The following EMG1 variants were observed in gnomAD, a reference collection of about 807,000 sequenced individuals.
EMG1 encodes the protein EMG1 N1-specific pseudouridine methyltransferase, also known as ribosomal RNA small subunit methyltransferase NEP1.
In EMG1, 24 loss-of-function variants were observed where a neutral mutation model predicts 26.9. That is an observed-to-expected ratio of 0.89 (90% CI 0.65 to 1.26). The LOEUF (loss-of-function observed/expected upper bound fraction) is 1.26, where lower values mean the gene tolerates loss of function less well. Among genes scored for constraint, EMG1 ranks in the 50% most tolerant of loss-of-function variants. EMG1 has a pLI of 0.00. For missense variants in EMG1, 299 were observed against 307.6 expected (o/e 0.97, Z 0.21); for synonymous variants, 140 against 112.6 (o/e 1.24, Z -1.54).
chr12:6,982,157 T>G (rs1181013553), downstream of EMG1, among the ~76,000 whole-genome samples: 2 of 152,178 alleles, frequency 1.3e-5, no homozygotes, highest in Non-Finnish European at 2.9e-5. Context: ...ACCCGGCTAA[T>G]TTTTAATTTT....
At chr12:6,986,142 AAGTAT>A (rs1197792515) in intron 6 of EMG1, among the ~76,000 whole-genome samples, 9 of 151,786 alleles carry the variant, frequency 5.9e-5, no homozygotes, top group Admixed American at 2.6e-4. Flanking sequence ...AGCTTCATGC[AAGTAT>A]AGTTGACCCT....
At chr12:6,972,393 A>T (rs1169727230) in intron 1 of EMG1, among the ~76,000 whole-genome samples, 9 of 152,140 alleles carry the variant, frequency 5.9e-5, no homozygotes, top group African/African-American at 1.9e-4. Context: ...CAATTTCAAA[A>T]TCTACATCCC....
Position 6,978,496 on chromosome 12 carries a change from G to A in EMG1, c.*2687G>A. 6.2e-7 allele frequency: 1 copy of A among 1,613,068 alleles called. No individual in the cohort carries two copies. Among genetic ancestry groups the A allele is most frequent in the Non-Finnish European group, 8.5e-7 (1 of 1,179,206 alleles). On this transcript the variant is annotated 3_prime_UTR_variant, in exon 6 of 6. Transcript: ENST00000599672. The stretch of plus-strand genomic sequence containing the variant: ...CATTGAAGCCCAGGCCCGTCAAAAT[G>A]CATACTCCTTCCTGAGAGGGAATAG...
chr12:6,977,660 G>C lies in EMG1; in HGVS notation c.*1851G>C, dbSNP rs1555153482. On this transcript the variant is annotated 3_prime_UTR_variant, in exon 6 of 6. Coordinates refer to ENST00000599672, the MANE Select transcript of EMG1 (RefSeq NM_006331.8). The surrounding 1 kb of genome is among the most constrained non-coding windows in gnomAD (Gnocchi z 4.5). The stretch of plus-strand genomic sequence containing the variant: ...AAGCAGACCAGGTATCCTGAGTGCA[G>C]GCCGTGCCAGAGGGCCAGGAATAGC... 6.2e-7 allele frequency: 1 copy of C among 1,614,244 alleles called. No homozygotes were observed. Among genetic ancestry groups the C allele is most frequent in the Non-Finnish European group, 8.5e-7 (1 of 1,180,040 alleles).
rs1946535811 is a variant in EMG1, at chr12:6,987,073, A to T, written c.*155-709A>T. ...GGTGGCAGTGAGCTGAGATCACGCC[A>T]TTGCACTCCAGCTTGGGCAACGAGC... On this transcript the variant is annotated intron_variant and NMD_transcript_variant, in intron 6 of 7. Coordinates refer to the EMG1 transcript ENST00000261406. The surrounding 1 kb of genome is among the most constrained non-coding windows in gnomAD (Gnocchi z 4.1). Among the ~76,000 whole-genome samples the T allele has an allele frequency of 6.6e-6, 1 of 151,904 alleles. No individual in the cohort carries two copies. Among genetic ancestry groups the T allele is most frequent in the Non-Finnish European group, 1.5e-5 (1 of 68,010 alleles).
At chr12:6,996,221 T>C (rs782669640) in intron 7 of EMG1, among the ~76,000 whole-genome samples, 30 of 152,360 alleles carry the variant, frequency 2.0e-4, no homozygotes, top group African/African-American at 7.0e-4. Context: ...CTTGGTGCCT[T>C]CACATGGTAA....
chr12:6,980,814 A>G (rs1591546542), downstream of EMG1: 6 of 459,062 alleles, frequency 1.3e-5, no homozygotes, highest in East Asian at 1.7e-4. Context: ...TAGTGTTAGA[A>G]TGGATAACTG....
chr12:6,974,014 G>A (rs980482087), intron 1 of EMG1, among the ~76,000 whole-genome samples: 1 of 152,226 alleles, frequency 6.6e-6, no homozygotes, highest in African/African-American at 2.4e-5. Context: ...TGTCTCATTG[G>A]CCTTGCCTAA....
In EMG1 at chr12:6,979,820, C is replaced by T; in HGVS notation, c.*4011C>T. The T allele has an allele frequency of 1.8e-6, 1 of 542,370 alleles. No individual in the cohort carries two copies. The allele number at this position is 542,370 out of a possible 1,614,324, so 33.6% of individuals were successfully genotyped here. Reference sequence around the variant, plus strand: ...AAAGTCAGGGCAGCAGACAGTGGACCAGTCTTGTGTTTACCCCTCAGGGAT... The same window carrying T: ...AAAGTCAGGGCAGCAGACAGTGGACTAGTCTTGTGTTTACCCCTCAGGGAT... On this transcript the variant is annotated 3_prime_UTR_variant, in exon 6 of 6. Transcript: ENST00000599672.
At chr12:6,988,839 CTTG>C (rs1179500050), downstream of EMG1, among the ~76,000 whole-genome samples, 59 of 152,242 alleles carry the variant, frequency 3.9e-4, no homozygotes, top group African/African-American at 1.2e-3. Context: ...TTTGTAAGAA[CTTG>C]TTGGCCGGGC....
chr12:6,991,437 T>C (rs944174438), downstream of EMG1, among the ~76,000 whole-genome samples: 4 of 152,214 alleles, frequency 2.6e-5, no homozygotes, highest in Admixed American at 2.6e-4. Context: ...AAATACTGGT[T>C]CCCTGTTGTT....
chr12:6,979,560 G>A lies in EMG1; in HGVS notation c.*3751G>A, dbSNP rs782772367. On this transcript the variant is annotated 3_prime_UTR_variant, in exon 6 of 6. Coordinates refer to ENST00000599672, the MANE Select transcript of EMG1 (RefSeq NM_006331.8). ...AGGTAGAAAAGGCCCAGACTCAGGC[G>A]CTTGAGAGCAGGAATGATGCTGGAA... 4.3e-6 allele frequency: 7 copies of A among 1,613,526 alleles called. No individual in the cohort carries two copies. The highest frequency in any genetic ancestry group is 1.3e-5 in the African/African-American group (1 of 74,890).
downstream of EMG1, chr12:6,983,101 A>G: frequency 2.0e-6 from 1 of 509,026 alleles, no homozygotes; most frequent in Non-Finnish European, 3.6e-6. Context: ...TTGTTACTGT[A>G]TTTTTGAATG....
chr12:6,972,421 TG>T (rs1946343666), intron 1 of EMG1, among the ~76,000 whole-genome samples: 1 of 152,238 alleles, frequency 6.6e-6, no homozygotes, highest in African/African-American at 2.4e-5. Flanking sequence ...GCAGACTTTT[TG>T]GAGCCATATA....
downstream of EMG1, chr12:6,983,481 G>A (rs1371957415): frequency 9.9e-6 from 16 of 1,613,304 alleles, no homozygotes; most frequent in African/African-American, 1.3e-5. Context: ...GGAAGAGGTG[G>A]ATGAGGTAGG....
rs782534449 is a variant in EMG1, at chr12:6,978,129, C to T, written c.*2320C>T. The stretch of plus-strand genomic sequence containing the variant: ...AGCTGGAGTAACACCCAGGTCTTAA[C>T]GCACTTTTATATCTTGCCTTTTTTT... On this transcript the variant is annotated 3_prime_UTR_variant, in exon 6 of 6. Transcript: ENST00000599672. 94 of 604,986 alleles carry T rather than the reference C, an allele frequency of 1.6e-4. No individual in the cohort carries two copies. The highest frequency in any genetic ancestry group is 4.0e-4 in the Admixed American group (12 of 30,054). The allele number at this position is 604,986 out of a possible 1,614,324, so 37.5% of individuals were successfully genotyped here. A position where few individuals can be genotyped will look rare whatever the true frequency, so the allele number is the denominator to read the frequency against.
intron 3 of EMG1, 82 bp from the exon 4 acceptor site, chr12:6,975,008 C>G: frequency 1.5e-6 from 2 of 1,368,498 alleles, no homozygotes; most frequent in South Asian, 2.3e-5. Context: ...CTCATCTTAT[C>G]CATGGGGTTT....
Position 6,978,512 on chromosome 12 carries a change from G to C in EMG1, c.*2703G>C. 1 of 1,612,288 alleles carries C rather than the reference G, an allele frequency of 6.2e-7. No homozygotes were observed. The highest frequency in any genetic ancestry group is 8.5e-7 in the Non-Finnish European group (1 of 1,178,584). The stretch of plus-strand genomic sequence containing the variant: ...CGTCAAAATGCATACTCCTTCCTGA[G>C]AGGGAATAGCTCAGTTAGGGCTCTT... On this transcript the variant is annotated 3_prime_UTR_variant, in exon 6 of 6. Transcript: ENST00000599672.
rs372110507 is a variant in EMG1, at chr12:6,975,244, G to C, written c.487G>C (p.Val163Leu). 71 of 1,613,856 alleles carry C rather than the reference G, an allele frequency of 4.4e-5. No individual in the cohort carries two copies. The highest frequency in any genetic ancestry group is 3.3e-4 in the Admixed American group (20 of 59,992). Residue 163 changes from valine (V) to leucine (L), a missense_variant, in exon 5 of 6, where the codon GTA (valine) becomes CTA (leucine). Transcript: ENST00000599672. ...QKLLKVIKNP[V>L]SDHFPVGCMK... ...TTTACTTTAGGTAATTAAGAATCCA[G>C]TATCAGATCACTTTCCAGTTGGATG...
Sources: allele counts gnomAD v4.1 joint callset (sites outside exome capture counted in the v4.1 genomes callset), GRCh38; gene constraint gnomAD v4.1.1; non-coding constraint Gnocchi (gnomAD v3.1); transcripts MANE v1.5; gene names NCBI Gene and HGNC (gene_info 2026-07-23, HGNC 2026-07-21).